The following KCTD8 variants were observed in gnomAD, a reference collection of about 807,000 sequenced individuals.
The protein encoded by KCTD8 is potassium channel tetramerization domain containing 8, also known as BTB/POZ domain-containing protein KCTD8.
KCTD8 carries 27 observed loss-of-function variants against 31.5 expected under a neutral mutation model. The observed-to-expected ratio is 0.86, with a 90% CI of 0.63 to 1.18. KCTD8 has a LOEUF of 1.18. KCTD8 is among the 50% of genes most tolerant of loss of function. The pLI, the probability that KCTD8 is intolerant of heterozygous loss-of-function variation, is 0.00. For synonymous variants in KCTD8, 290 were observed against 280.0 expected (o/e 1.04, Z -0.36); for missense variants, 658 against 647.7 (o/e 1.02, Z -0.17).
At chr4:44,277,297 T>G (rs1433886527) in intron 1 of KCTD8, among the ~76,000 whole-genome samples, 12 of 151,786 alleles carry the variant, frequency 7.9e-5, no homozygotes, top group Non-Finnish European at 1.3e-4. Flanking sequence ...GCTTTGATAA[T>G]TATAATTTAT....
intron 1 of KCTD8, among the ~76,000 whole-genome samples, chr4:44,352,031 G>T (rs755446913): frequency 6.6e-6 from 1 of 152,000 alleles, no homozygotes; most frequent in Non-Finnish European, 1.5e-5. Context: ...TGGGGATATA[G>T]AGAACTTCTT....
chr4:44,347,382 T>G (rs1008180276), intron 1 of KCTD8, among the ~76,000 whole-genome samples: 2 of 152,164 alleles, frequency 1.3e-5, no homozygotes, highest in Non-Finnish European at 2.9e-5. Context: ...GGCAAGTGAC[T>G]CAGCTTTCAC....
At chr4:44,204,993 C>T (rs575317593) in intron 1 of KCTD8, among the ~76,000 whole-genome samples, 6 of 151,720 alleles carry the variant, frequency 4.0e-5, no homozygotes, top group Non-Finnish European at 7.4e-5. Flanking sequence ...AAGCATAAAC[C>T]TTTGAGTCTA....
At chr4:44,406,664 A>T (rs1203417808) in intron 1 of KCTD8, among the ~76,000 whole-genome samples, 1 of 152,156 alleles carries the variant, frequency 6.6e-6, no homozygotes, top group East Asian at 1.9e-4. Flanking sequence ...ATGATCTACA[A>T]AATATAAAAT....
chr4:44,371,734 A>C (rs995630667), intron 1 of KCTD8, among the ~76,000 whole-genome samples: 2 of 152,224 alleles, frequency 1.3e-5, no homozygotes, highest in African/African-American at 4.8e-5. Context: ...ACCCTGCTGC[A>C]CATCAGTATC....
chr4:44,446,016 A>C (rs1721926791), intron 1 of KCTD8, among the ~76,000 whole-genome samples: 1 of 152,224 alleles, frequency 6.6e-6, no homozygotes, highest in African/African-American at 2.4e-5. Flanking sequence ...TGATATAATT[A>C]AGACAGTTTT....
intron 1 of KCTD8, among the ~76,000 whole-genome samples, chr4:44,294,443 C>G (rs1436016637): frequency 6.6e-6 from 1 of 152,164 alleles, no homozygotes; most frequent in African/African-American, 2.4e-5. Flanking sequence ...AAAAGAATAT[C>G]TATGCATTTC....
At chr4:44,280,424 C>T (rs111868547) in intron 1 of KCTD8, among the ~76,000 whole-genome samples, 3 of 152,130 alleles carry the variant, frequency 2.0e-5, no homozygotes, top group African/African-American at 7.2e-5. Context: ...CTATCACCGT[C>T]GAGAGCTGCA....
At chr4:44,436,822 C>T (rs938463685) in intron 1 of KCTD8, among the ~76,000 whole-genome samples, 2 of 152,044 alleles carry the variant, frequency 1.3e-5, no homozygotes, top group Admixed American at 6.6e-5. Context: ...TAAGCAAAGA[C>T]TACAAAACTG....
At chr4:44,428,478 C>T (rs1014170416) in intron 1 of KCTD8, among the ~76,000 whole-genome samples, 6 of 151,624 alleles carry the variant, frequency 4.0e-5, no homozygotes, top group African/African-American at 2.4e-5. Context: ...GCTTCATTTT[C>T]CTCACACATG....
intron 1 of KCTD8, among the ~76,000 whole-genome samples, chr4:44,175,641 G>A (rs1713193266): frequency 6.6e-6 from 1 of 152,014 alleles, no homozygotes; most frequent in Non-Finnish European, 1.5e-5. Context: ...GCTCATTTTT[G>A]TTCTACCCAC....
chr4:44,181,183 C>G (rs1297380163), intron 1 of KCTD8, among the ~76,000 whole-genome samples: 1 of 113,928 alleles, frequency 8.8e-6, no homozygotes, highest in African/African-American at 3.2e-5. Flanking sequence ...CCATGGTCTC[C>G]CTCTCCCTCT....
At chr4:44,179,537 A>C (rs1259995863) in intron 1 of KCTD8, among the ~76,000 whole-genome samples, 1 of 149,572 alleles carries the variant, frequency 6.7e-6, no homozygotes, top group Non-Finnish European at 1.5e-5. Context: ...ATATATATTC[A>C]TGTTCTTTCA....
intron 1 of KCTD8, among the ~76,000 whole-genome samples, chr4:44,440,671 T>C (rs1472964600): frequency 1.3e-5 from 2 of 152,212 alleles, no homozygotes; most frequent in Admixed American, 6.5e-5. Context: ...AGAAAACAAA[T>C]ATTTTTTAAG....
intron 1 of KCTD8, among the ~76,000 whole-genome samples, chr4:44,430,908 TTC>T (rs1354637810): frequency 6.6e-6 from 1 of 151,588 alleles, no homozygotes; most frequent in Non-Finnish European, 1.5e-5. Flanking sequence ...TGATGGTTAT[TTC>T]TCTTTCTTTT....
chr4:44,221,865 C>T (rs538404689), intron 1 of KCTD8, among the ~76,000 whole-genome samples: 4 of 152,122 alleles, frequency 2.6e-5, no homozygotes, highest in East Asian at 2.0e-4. Context: ...TCTCCTTCGG[C>T]GACACCCTCA....
chr4:44,342,188 G>C (rs544312482), intron 1 of KCTD8, among the ~76,000 whole-genome samples: 1 of 151,930 alleles, frequency 6.6e-6, no homozygotes, highest in Non-Finnish European at 1.5e-5. Context: ...TGGCTAACAC[G>C]GTGAAACCCC....
At chr4:44,428,709 G>A (rs902691160) in intron 1 of KCTD8, among the ~76,000 whole-genome samples, 4 of 151,624 alleles carry the variant, frequency 2.6e-5, no homozygotes, top group African/African-American at 9.7e-5. Context: ...AACTCTAAAA[G>A]GAAAACAAAT....
At chr4:44,417,890 T>C (rs1721115918) in intron 1 of KCTD8, among the ~76,000 whole-genome samples, 1 of 144,002 alleles carries the variant, frequency 6.9e-6, no homozygotes, top group South Asian at 2.3e-4. Flanking sequence ...ACTACCAACA[T>C]AATCTCACTG....
Sources: gnomAD v4.1 joint callset for allele counts (sites outside exome capture counted in the v4.1 genomes callset) on GRCh38, gnomAD v4.1.1 for gene constraint, MANE v1.5 for transcripts, NCBI Gene and HGNC (gene_info 2026-07-23, HGNC 2026-07-21) for gene names.